RALGPS1: variants seen among roughly 807,000 people sequenced by gnomAD.
RALGPS1 encodes the protein ras-specific guanine nucleotide-releasing factor RalGPS1.
A neutral mutation model predicts 78.8 loss-of-function variants in RALGPS1; 19 were observed. The observed-to-expected ratio is 0.24, with a 90% CI of 0.17 to 0.35. The LOEUF is 0.35. Among genes scored for constraint, RALGPS1 ranks in the 10% least tolerant of loss-of-function variants. RALGPS1 has a pLI of 1.00. For synonymous variants in RALGPS1, 228 were observed against 256.3 expected, an observed-to-expected ratio of 0.89 and a Z score of 1.06; for missense variants, 454 against 688.3, an observed-to-expected ratio of 0.66 and a Z score of 3.81.
chr9:126,937,770 G>A (rs1248094581), intron 1 of RALGPS1, among the ~76,000 whole-genome samples: 1 of 152,190 alleles, frequency 6.6e-6, no homozygotes, highest in Non-Finnish European at 1.5e-5. Context: ...GCATCTCCTT[G>A]AGTAGAGCTT....
chr9:127,190,998 G>A (rs769597436), intron 11 of RALGPS1, among the ~76,000 whole-genome samples: 3 of 152,036 alleles, frequency 2.0e-5, no homozygotes, highest in South Asian at 2.1e-4. Flanking sequence ...GGGGTTAAGC[G>A]TCTTTCCTTA....
At chr9:126,948,270 C>G (rs144005455) in intron 1 of RALGPS1, among the ~76,000 whole-genome samples, 26 of 152,314 alleles carry the variant, frequency 1.7e-4, no homozygotes, top group Non-Finnish European at 3.2e-4. Context: ...AATCCCAACA[C>G]TTTGGGAGGC....
rs143688289 is a variant in RALGPS1, at chr9:126,989,084, G to GCATCAT, written c.216+11359_216+11364dup. The stretch of plus-strand genomic sequence containing the variant: ...CCCCACCTTATCATCATCATCATCA[G>GCATCAT]CATCATCATCATCATCATCATCATC... On this transcript the variant is annotated intron_variant, in intron 4 of 18. Coordinates refer to ENST00000259351, the MANE Select transcript of RALGPS1 (RefSeq NM_014636.3). Among the ~76,000 whole-genome samples, 189 of 151,708 alleles carry GCATCAT rather than the reference G, an allele frequency of 1.2e-3. 1 individual carries two copies. Among genetic ancestry groups the GCATCAT allele is most frequent in the Middle Eastern group, 3.4e-3 (1 of 292 alleles).
intron 1 of RALGPS1, among the ~76,000 whole-genome samples, chr9:126,937,712 C>G (rs2036393564): frequency 6.6e-6 from 1 of 152,280 alleles, no homozygotes; most frequent in African/African-American, 2.4e-5. Context: ...GGATGTGCCC[C>G]TTCCCTTCTG....
chr9:127,042,891 T>A (rs915818223), intron 5 of RALGPS1, among the ~76,000 whole-genome samples: 1 of 152,166 alleles, frequency 6.6e-6, no homozygotes, highest in East Asian at 1.9e-4. Context: ...GGAACTGCAA[T>A]TTGAAGTTAA....
intron 8 of RALGPS1, among the ~76,000 whole-genome samples, chr9:127,103,679 G>A (rs1014556389): frequency 1.3e-5 from 2 of 152,306 alleles, no homozygotes; most frequent in Middle Eastern, 3.4e-3. Flanking sequence ...TAGCGACAGT[G>A]TTTTGTGTCA....
chr9:127,213,829 A>G (rs2062423028), intron 17 of RALGPS1: 1 of 152,260 alleles, frequency 6.6e-6, no homozygotes, highest in Non-Finnish European at 1.5e-5. Flanking sequence ...ATCTGGGGGT[A>G]GAGACCAAGA....
At position 127,050,654 on chromosome 9, in the gene RALGPS1, G is replaced by T. The variant is rs184154658; in HGVS notation, c.390+522G>T. Among the ~76,000 whole-genome samples, 3 of 152,176 alleles carry T rather than the reference G, an allele frequency of 2.0e-5. No individual in the cohort carries two copies. The East Asian group carries it at 5.8e-4, about 29-fold the overall frequency. On this transcript the variant is annotated intron_variant, in intron 6 of 18. Coordinates refer to ENST00000259351, the MANE Select transcript of RALGPS1 (RefSeq NM_014636.3). ...CCACCTCCTGCCCCCGGCCTGATAG[G>T]TTCTGTCCTTGTTGGGAATCACCTT...
At chr9:126,938,235 C>T (rs1426717833) in intron 1 of RALGPS1, among the ~76,000 whole-genome samples, 1 of 152,212 alleles carries the variant, frequency 6.6e-6, no homozygotes, top group Non-Finnish European at 1.5e-5. Context: ...TAGAAATTGG[C>T]ACGAGAGAAG....
chr9:127,052,216 C>G (rs1292311177), intron 6 of RALGPS1, among the ~76,000 whole-genome samples: 2 of 152,328 alleles, frequency 1.3e-5, no homozygotes, highest in East Asian at 3.9e-4. Context: ...CACCCCCGTC[C>G]TGTTAGCAGG....
chr9:127,203,446 C>T (rs1285380747), intron 14 of RALGPS1, among the ~76,000 whole-genome samples: 1 of 152,204 alleles, frequency 6.6e-6, no homozygotes. Flanking sequence ...GTCGGAATCA[C>T]CTGTCTCTGT....
intron 11 of RALGPS1, among the ~76,000 whole-genome samples, chr9:127,180,161 A>G (rs1436350832): frequency 2.0e-5 from 3 of 152,382 alleles, no homozygotes; most frequent in Non-Finnish European, 1.5e-5. Flanking sequence ...GAAAAAAATC[A>G]TAAAGAACGT....
chr9:127,209,052 G>C (rs1244903949), intron 14 of RALGPS1, among the ~76,000 whole-genome samples: 3 of 152,242 alleles, frequency 2.0e-5, no homozygotes, highest in African/African-American at 7.2e-5. Context: ...CCAACAGTCA[G>C]CAGCTCAGAG....
chr9:127,051,727 A>G (rs1312118973), intron 6 of RALGPS1, among the ~76,000 whole-genome samples: 1 of 152,206 alleles, frequency 6.6e-6, no homozygotes, highest in Non-Finnish European at 1.5e-5. Context: ...ACTAGGCCCT[A>G]CAATGTGCTG....
intron 8 of RALGPS1, among the ~76,000 whole-genome samples, chr9:127,121,851 A>G (rs912150644): frequency 1.3e-5 from 2 of 152,160 alleles, no homozygotes; most frequent in Non-Finnish European, 2.9e-5. Flanking sequence ...GCGCCTCAGC[A>G]CAGCGCTTGC....
chr9:127,153,658 G>T (rs922695242), intron 8 of RALGPS1, among the ~76,000 whole-genome samples: 1 of 152,136 alleles, frequency 6.6e-6, no homozygotes, highest in Non-Finnish European at 1.5e-5. Context: ...CCAATGACCT[G>T]CCACCTTCCT....
chr9:127,078,270 C>A (rs1253842269), intron 8 of RALGPS1, among the ~76,000 whole-genome samples: 2 of 152,166 alleles, frequency 1.3e-5, no homozygotes, highest in African/African-American at 2.4e-5. Flanking sequence ...GAAGAGATTG[C>A]CTTTACTTTT....
At chr9:127,088,866 C>T in intron 8 of RALGPS1, 4 of 1,573,070 alleles carry the variant, frequency 2.5e-6, no homozygotes, top group Non-Finnish European at 3.5e-6. Context: ...AGGAGTTGTT[C>T]TTTGTGCTGT....
At chr9:127,018,378 C>T (rs946651304) in intron 4 of RALGPS1, among the ~76,000 whole-genome samples, 3 of 151,606 alleles carry the variant, frequency 2.0e-5, no homozygotes, top group Non-Finnish European at 4.4e-5. Flanking sequence ...TGGCTCACGC[C>T]TGTAATCCCA....
Sources: gnomAD v4.1 joint callset for allele counts (sites outside exome capture counted in the v4.1 genomes callset) on GRCh38, gnomAD v4.1.1 for gene constraint, MANE v1.5 for transcripts, NCBI Gene and HGNC (gene_info 2026-07-23, HGNC 2026-07-21) for gene names.